ARHGAP26: variants seen among roughly 807,000 people sequenced by gnomAD.
The protein encoded by ARHGAP26 is Rho GTPase activating protein 26.
Under a neutral mutation model 104.8 loss-of-function variants are expected in ARHGAP26, and 38 were observed. That is an observed-to-expected ratio of 0.36 (90% CI 0.28 to 0.48). The LOEUF (loss-of-function observed/expected upper bound fraction) is 0.48, where lower values mean the gene tolerates loss of function less well. ARHGAP26 is among the 20% of genes least tolerant of loss of function. The pLI is 0.99. For synonymous variants in ARHGAP26, 341 were observed against 340.0 expected (o/e 1.00, Z -0.03); for missense variants, 704 against 947.9 (o/e 0.74, Z 3.38).
intron 5 of ARHGAP26, among the ~76,000 whole-genome samples, chr5:142,890,147 AAAAAATATATATATAT>A (rs1273950136): frequency 8.9e-5 from 7 of 78,578 alleles, no homozygotes; most frequent in Middle Eastern, 5.6e-3. Context: ...AAAAAAAAAA[AAAAAATATATATATAT>A]ATATATATAT....
At chr5:143,214,623 G>C (rs922013868) in intron 22 of ARHGAP26, among the ~76,000 whole-genome samples, 2 of 152,206 alleles carry the variant, frequency 1.3e-5, no homozygotes, top group African/African-American at 4.8e-5. Context: ...CCAGGCCAGA[G>C]CAGAGATGAG....
intron 20 of ARHGAP26, among the ~76,000 whole-genome samples, chr5:143,151,016 A>T (rs557945816): frequency 2.0e-5 from 3 of 152,368 alleles, no homozygotes; most frequent in Non-Finnish European, 2.9e-5. Flanking sequence ...TGCAAAACAC[A>T]TATCTGATAA....
chr5:142,790,937 G>A (rs1018173039), intron 1 of ARHGAP26, among the ~76,000 whole-genome samples: 4 of 151,942 alleles, frequency 2.6e-5, no homozygotes, highest in Admixed American at 1.3e-4. Flanking sequence ...TAAACTCCCC[G>A]CTGCATGTTG....
At chr5:142,803,035 C>T (rs1281564055) in intron 1 of ARHGAP26, among the ~76,000 whole-genome samples, 4 of 152,024 alleles carry the variant, frequency 2.6e-5, no homozygotes, top group Non-Finnish European at 4.4e-5. Flanking sequence ...CTTAATCCAG[C>T]CTCATGCGCA....
At chr5:143,141,452 C>T (rs529675222) in intron 19 of ARHGAP26, among the ~76,000 whole-genome samples, 12 of 152,288 alleles carry the variant, frequency 7.9e-5, no homozygotes, top group Non-Finnish European at 1.2e-4. Flanking sequence ...GTGGCCCATA[C>T]GGGATATCTG....
intron 17 of ARHGAP26, among the ~76,000 whole-genome samples, chr5:143,077,983 C>T (rs1336995156): frequency 1.3e-5 from 2 of 152,162 alleles, no homozygotes; most frequent in Non-Finnish European, 2.9e-5. Context: ...CTCTAAAGGC[C>T]AGTTCATCTC....
chr5:143,024,596 T>C (rs1780775003), intron 12 of ARHGAP26, among the ~76,000 whole-genome samples: 1 of 152,166 alleles, frequency 6.6e-6, no homozygotes, highest in Admixed American at 6.5e-5. Context: ...GGCTTCCAGT[T>C]ATTGTGGTTA....
chr5:143,156,486 T>G (rs919508318), intron 20 of ARHGAP26, among the ~76,000 whole-genome samples: 11 of 152,128 alleles, frequency 7.2e-5, no homozygotes, highest in African/African-American at 2.4e-4. Context: ...GCCTGTTAGA[T>G]CTACAGAATC....
intron 11 of ARHGAP26, among the ~76,000 whole-genome samples, chr5:142,937,789 CAAAAA>C (rs200898033): frequency 2.8e-5 from 4 of 141,622 alleles, no homozygotes; most frequent in African/African-American, 1.0e-4. Flanking sequence ...AGGCCAGTCT[CAAAAA>C]AAAATATACT....
At chr5:143,007,311 C>T (rs1344822792) in intron 11 of ARHGAP26, among the ~76,000 whole-genome samples, 3 of 151,640 alleles carry the variant, frequency 2.0e-5, no homozygotes, top group Non-Finnish European at 4.4e-5. Flanking sequence ...CTGGCCAGTT[C>T]TCTCTGTATG....
At chr5:142,960,276 C>G (rs945943896) in intron 11 of ARHGAP26, among the ~76,000 whole-genome samples, 1 of 152,254 alleles carries the variant, frequency 6.6e-6, no homozygotes, top group Non-Finnish European at 1.5e-5. Flanking sequence ...AAGTTAAGTT[C>G]TATGTACTCA....
At chr5:142,771,260 TC>T in intron 1 of ARHGAP26, 3 of 1,250,028 alleles carry the variant, frequency 2.4e-6, no homozygotes, top group Non-Finnish European at 3.0e-6. Context: ...AGCGGGCAGA[TC>T]CCATCGTGTC....
At position 143,222,447 on chromosome 5, in the gene ARHGAP26, C is replaced by T. The variant is rs1232781919; in HGVS notation, c.*1C>T. The T allele has an allele frequency of 1.3e-6, 2 of 1,589,124 alleles. No homozygotes were observed. The highest frequency in any genetic ancestry group is 2.7e-5 in the African/African-American group (2 of 74,602). ...TGAGAATTACGTGGAGTTCCTCTAACCGTGGGCCCCAGCAGAACTGCTGAG... is the reference window on the plus strand; with the variant it reads ...TGAGAATTACGTGGAGTTCCTCTAATCGTGGGCCCCAGCAGAACTGCTGAG... On this transcript the variant is annotated 3_prime_UTR_variant, in exon 23 of 23. Coordinates refer to ENST00000645722, the MANE Select transcript of ARHGAP26 (RefSeq NM_001135608.3).
intron 6 of ARHGAP26, among the ~76,000 whole-genome samples, chr5:142,900,377 C>T (rs1464367339): frequency 2.0e-5 from 3 of 152,090 alleles, no homozygotes; most frequent in Non-Finnish European, 4.4e-5. Context: ...GTTTTATAGC[C>T]AGAGGACCCA....
At chr5:142,991,878 A>T (rs1335584805) in intron 11 of ARHGAP26, among the ~76,000 whole-genome samples, 2 of 152,160 alleles carry the variant, frequency 1.3e-5, no homozygotes, top group Non-Finnish European at 2.9e-5. Context: ...GTGAGGCATG[A>T]CTGTATATTT....
intron 7 of ARHGAP26, among the ~76,000 whole-genome samples, chr5:142,902,890 C>T (rs1760564960): frequency 6.6e-6 from 1 of 152,176 alleles, no homozygotes; most frequent in Admixed American, 6.5e-5. Flanking sequence ...CTGGTGAAAA[C>T]ACCTGTGACA....
intron 20 of ARHGAP26, among the ~76,000 whole-genome samples, chr5:143,153,328 G>A (rs1469350416): frequency 6.6e-6 from 1 of 152,152 alleles, no homozygotes; most frequent in Non-Finnish European, 1.5e-5. Context: ...ACCTGAGCAT[G>A]CCCACTACCA....
chr5:142,935,213 A>G (rs1236229908), intron 11 of ARHGAP26, among the ~76,000 whole-genome samples: 2 of 152,206 alleles, frequency 1.3e-5, no homozygotes, highest in African/African-American at 4.8e-5. Flanking sequence ...CTTACATAAT[A>G]TTTGGAGTTG....
chr5:143,119,364 A>AC (rs1795864485), intron 17 of ARHGAP26, among the ~76,000 whole-genome samples: 1 of 152,220 alleles, frequency 6.6e-6, no homozygotes, highest in African/African-American at 2.4e-5. Flanking sequence ...TGGGAGGGGA[A>AC]GTATAAGGAC....
Sources: allele counts gnomAD v4.1 joint callset (sites outside exome capture counted in the v4.1 genomes callset), GRCh38; gene constraint gnomAD v4.1.1; transcripts MANE v1.5; gene names NCBI Gene and HGNC (gene_info 2026-07-23, HGNC 2026-07-21).